MEI4: variants seen among roughly 807,000 people sequenced by gnomAD.
MEI4 encodes the protein meiotic double-stranded break formation protein 4, also known as meiosis-specific protein MEI4.
In MEI4, 27 loss-of-function variants were observed where a neutral mutation model predicts 31.4. The observed-to-expected ratio is 0.86, with a 90% confidence interval of 0.63 to 1.19. The LOEUF is 1.19. Ranked by LOEUF, MEI4 falls within the 50% of genes most tolerant of loss-of-function variation. The probability of loss-of-function intolerance (pLI) is 0.00; values close to 1 mark genes in which losing one functional copy is unlikely to be tolerated. For missense variants in MEI4, 329 were observed against 398.9 expected (o/e 0.82, Z 1.49); for synonymous variants, 122 against 145.4 (o/e 0.84, Z 1.16).
In MEI4 at chr6:77,762,193, C is replaced by T. The variant is rs9448207; in HGVS notation, c.768+528C>T. On this transcript the variant is annotated intron_variant, in intron 3 of 4. Coordinates refer to ENST00000684080, the MANE Select transcript of MEI4 (RefSeq NM_001322247.2). ...GTAAGTGATAAATGCCCCATGGACCCTCTGCAGATGTAGGTGAATTGAATA... is the reference window on the plus strand; with the variant it reads ...GTAAGTGATAAATGCCCCATGGACCTTCTGCAGATGTAGGTGAATTGAATA... 7.0e-3 allele frequency among the ~76,000 whole-genome samples: 1,061 copies of T among 152,232 alleles called. 13 individuals carry two copies. The highest frequency in any genetic ancestry group is 0.024 in the African/African-American group (1,001 of 41,560).
At chr6:77,663,618 A>G (rs373808589) in intron 1 of MEI4, among the ~76,000 whole-genome samples, 3 of 151,842 alleles carry the variant, frequency 2.0e-5, no homozygotes, top group African/African-American at 7.3e-5. Flanking sequence ...AGTTTTAAGA[A>G]GTTTAGAAGC....
At chr6:77,677,855 T>C (rs1768873201) in intron 1 of MEI4, among the ~76,000 whole-genome samples, 1 of 152,232 alleles carries the variant, frequency 6.6e-6, no homozygotes, top group African/African-American at 2.4e-5. Context: ...ATATTCTACA[T>C]GTATAAATTA....
chr6:77,757,799 T>C (rs756195844), intron 2 of MEI4, among the ~76,000 whole-genome samples: 2 of 152,214 alleles, frequency 1.3e-5, no homozygotes, highest in Non-Finnish European at 2.9e-5. Flanking sequence ...AGAATGAAGT[T>C]AATGTCTTGA....
At chr6:77,818,188 G>C (rs1769733152) in intron 3 of MEI4, among the ~76,000 whole-genome samples, 1 of 152,020 alleles carries the variant, frequency 6.6e-6, no homozygotes, top group Non-Finnish European at 1.5e-5. Context: ...GGTAATTACT[G>C]TAAGTTTTTA....
At chr6:77,902,993 G>T (rs1454507113) in intron 4 of MEI4, among the ~76,000 whole-genome samples, 9 of 152,072 alleles carry the variant, frequency 5.9e-5, no homozygotes, top group Admixed American at 5.9e-4. Flanking sequence ...ACCTGTCTCA[G>T]ATTTTGGGGG....
At chr6:77,678,835 G>C (rs943127324) in intron 1 of MEI4, among the ~76,000 whole-genome samples, 1 of 152,052 alleles carries the variant, frequency 6.6e-6, no homozygotes, top group African/African-American at 2.4e-5. Flanking sequence ...AAGACCTTCC[G>C]GTGGGACAAG....
intron 2 of MEI4, among the ~76,000 whole-genome samples, chr6:77,747,485 C>T (rs2127676066): frequency 6.6e-6 from 1 of 152,142 alleles, no homozygotes; most frequent in East Asian, 1.9e-4. Flanking sequence ...AGAGAGAGAG[C>T]AAAGGGGGAA....
chr6:77,789,907 A>T (rs558595715), intron 3 of MEI4, among the ~76,000 whole-genome samples: 1 of 152,156 alleles, frequency 6.6e-6, no homozygotes, highest in Non-Finnish European at 1.5e-5. Context: ...ATTACTGGAT[A>T]TATACCCAAA....
At chr6:77,782,055 C>A (rs1311224820) in intron 3 of MEI4, among the ~76,000 whole-genome samples, 2 of 151,994 alleles carry the variant, frequency 1.3e-5, no homozygotes, top group African/African-American at 4.8e-5. Context: ...GAAGAATTGA[C>A]CTTTTCCTGT....
intron 2 of MEI4, among the ~76,000 whole-genome samples, chr6:77,703,420 G>T (rs1469806466): frequency 2.6e-5 from 4 of 152,112 alleles, no homozygotes; most frequent in Non-Finnish European, 4.4e-5. Flanking sequence ...GACAATGTTA[G>T]CTTCTTATCA....
chr6:77,691,502 C>T (rs554162899), intron 2 of MEI4, among the ~76,000 whole-genome samples: 1 of 152,128 alleles, frequency 6.6e-6, no homozygotes, highest in East Asian at 1.9e-4. Flanking sequence ...CAGTAAGATG[C>T]AGGAGCGTGT....
chr6:77,733,688 C>A (rs971591450), intron 2 of MEI4, among the ~76,000 whole-genome samples: 2 of 151,742 alleles, frequency 1.3e-5, no homozygotes, highest in Non-Finnish European at 2.9e-5. Flanking sequence ...TACGTTTGCT[C>A]TTGCTTTTCT....
chr6:77,858,572 A>C (rs1189617232), intron 4 of MEI4, among the ~76,000 whole-genome samples: 2 of 152,236 alleles, frequency 1.3e-5, no homozygotes, highest in East Asian at 3.9e-4. Flanking sequence ...GTTGGCTAAT[A>C]ATGGTGTCCA....
At chr6:77,741,087 A>C (rs1266026300) in intron 2 of MEI4, among the ~76,000 whole-genome samples, 1 of 152,220 alleles carries the variant, frequency 6.6e-6, no homozygotes, top group Non-Finnish European at 1.5e-5. Flanking sequence ...TTGAAGAATC[A>C]GTACACATCT....
At chr6:77,812,121 G>T (rs1021910245) in intron 3 of MEI4, among the ~76,000 whole-genome samples, 1 of 152,012 alleles carries the variant, frequency 6.6e-6, no homozygotes, top group African/African-American at 2.4e-5. Flanking sequence ...TACGTGGCTT[G>T]TAACTTTTTT....
intron 4 of MEI4, among the ~76,000 whole-genome samples, chr6:77,863,553 A>G (rs931820108): frequency 2.0e-5 from 3 of 152,204 alleles, no homozygotes; most frequent in Non-Finnish European, 4.4e-5. Context: ...AAAGAAATGA[A>G]CAAAGCCTCC....
intron 4 of MEI4, among the ~76,000 whole-genome samples, chr6:77,859,090 T>C: frequency 6.6e-6 from 1 of 152,150 alleles, no homozygotes; most frequent in East Asian, 1.9e-4. Flanking sequence ...TCCTTATTGT[T>C]CAAGTCCCAC....
intron 2 of MEI4, among the ~76,000 whole-genome samples, chr6:77,722,222 A>C (rs1766725005): frequency 1.4e-5 from 2 of 148,092 alleles, no homozygotes; most frequent in Non-Finnish European, 3.0e-5. Context: ...TACGGCGTTT[A>C]CAGCCCTTAA....
chr6:77,669,970 C>T (rs912418829), intron 1 of MEI4, among the ~76,000 whole-genome samples: 6 of 152,176 alleles, frequency 3.9e-5, no homozygotes, highest in African/African-American at 1.4e-4. Context: ...GAAAATTGGT[C>T]AATCCTTGTA....
Sources: gnomAD v4.1 joint callset for allele counts (sites outside exome capture counted in the v4.1 genomes callset) on GRCh38, gnomAD v4.1.1 for gene constraint, MANE v1.5 for transcripts, NCBI Gene and HGNC (gene_info 2026-07-23, HGNC 2026-07-21) for gene names.